Variants in OXR1 observed in about 807,000 individuals in gnomAD.
OXR1 encodes oxidation resistance 1, also known as oxidation resistance protein 1.
OXR1 carries 41 observed loss-of-function variants against 104.6 expected under a neutral mutation model. The ratio of observed to expected loss-of-function variants is 0.39; its 90% CI spans 0.31 to 0.51. The LOEUF (loss-of-function observed/expected upper bound fraction) is 0.51. Among genes scored for constraint, OXR1 ranks in the 20% least tolerant of loss-of-function variants. The probability of loss-of-function intolerance (pLI) is 0.77; values close to 1 mark genes in which losing one functional copy is unlikely to be tolerated. For synonymous variants in OXR1, 348 were observed against 348.4 expected (o/e 1.00, Z 0.01); for missense variants, 955 against 1,031.9 (o/e 0.93, Z 1.02).
At chr8:106,739,969 T>A (rs1834780622) in intron 13 of OXR1, among the ~76,000 whole-genome samples, 1 of 152,200 alleles carries the variant, frequency 6.6e-6, no homozygotes, top group Admixed American at 6.5e-5. Flanking sequence ...GCTTGATTCC[T>A]AACTTGGATA....
intron 3 of OXR1, among the ~76,000 whole-genome samples, chr8:106,626,229 A>G (rs1232619561): frequency 6.6e-6 from 1 of 151,912 alleles, no homozygotes; most frequent in Non-Finnish European, 1.5e-5. Context: ...ATTTTTAAAA[A>G]GATATTATAT....
chr8:106,413,463 T>C (rs1211095925), intron 2 of OXR1, among the ~76,000 whole-genome samples: 1 of 152,122 alleles, frequency 6.6e-6, no homozygotes, highest in African/African-American at 2.4e-5. Flanking sequence ...ATTTAAGGTA[T>C]CCTAGACAGA....
chr8:106,630,215 GTTTC>G (rs985600278), intron 3 of OXR1, among the ~76,000 whole-genome samples: 7 of 152,132 alleles, frequency 4.6e-5, no homozygotes, highest in African/African-American at 1.7e-4. Flanking sequence ...TTTAGCTTCC[GTTTC>G]TTTATCTGCA....
chr8:106,601,701 G>T (rs12678817), intron 3 of OXR1, among the ~76,000 whole-genome samples: 34,897 of 151,876 alleles, frequency 0.23, 4,137 homozygotes, highest in East Asian at 0.41. Flanking sequence ...GCATTCCCTG[G>T]GTACTCTTTT....
chr8:106,742,463 G>T, intron 15 of OXR1, 146 bp downstream of exon 15: 1 of 547,604 alleles, frequency 1.8e-6, no homozygotes. Context: ...AGTTCATGTG[G>T]AACCCAAAAA....
intron 2 of OXR1, among the ~76,000 whole-genome samples, chr8:106,505,368 T>G (rs1026606264): frequency 2.0e-5 from 3 of 152,226 alleles, no homozygotes; most frequent in Non-Finnish European, 2.9e-5. Context: ...TGCATATAAT[T>G]GCAAAGCACT....
intron 2 of OXR1, among the ~76,000 whole-genome samples, chr8:106,396,031 A>G (rs1817765376): frequency 6.6e-6 from 1 of 152,142 alleles, no homozygotes; most frequent in Non-Finnish European, 1.5e-5. Flanking sequence ...CTAGTTTACA[A>G]CCCAAAGCAT....
rs144369358 is a variant in OXR1, at chr8:106,427,114, C to G, written c.23+67478C>G. 8.7e-3 allele frequency among the ~76,000 whole-genome samples: 1,327 copies of G among 152,238 alleles called. 49 individuals carry two copies. The highest frequency in any genetic ancestry group is 0.055 in the South Asian group (263 of 4,822). On this transcript the variant is annotated intron_variant, in intron 2 of 16. Coordinates refer to ENST00000517566, the MANE Select transcript of OXR1 (RefSeq NM_001198533.2). The stretch of plus-strand genomic sequence containing the variant: ...AGCTTCTTAGAAGACTTCAAACAAC[C>G]AGGCTTGCAGTTGTGAATGATATGG...
chr8:106,618,328 T>C (rs1419649740), intron 3 of OXR1: 4 of 731,656 alleles, frequency 5.5e-6, no homozygotes, highest in East Asian at 2.7e-5. Flanking sequence ...GGAGGTTCTA[T>C]AGCTACTGCC....
At chr8:106,320,700 C>T (rs1814179803) in intron 1 of OXR1, among the ~76,000 whole-genome samples, 1 of 151,630 alleles carries the variant, frequency 6.6e-6, no homozygotes, top group South Asian at 2.1e-4. Context: ...GGGACAGAGT[C>T]TTGCTCTGTT....
chr8:106,520,353 C>CA (rs939270404), intron 3 of OXR1: 1 of 152,038 alleles, frequency 6.6e-6, no homozygotes, highest in African/African-American at 2.4e-5. Context: ...CTAATTCCTA[C>CA]AACAATTTCC....
intron 2 of OXR1, among the ~76,000 whole-genome samples, chr8:106,416,960 T>G (rs948873819): frequency 6.6e-6 from 1 of 152,120 alleles, no homozygotes; most frequent in African/African-American, 2.4e-5. Flanking sequence ...ATTATCAAGT[T>G]TTCTCTTAAC....
chr8:106,530,816 T>C (rs1350306948), intron 3 of OXR1, among the ~76,000 whole-genome samples: 1 of 152,092 alleles, frequency 6.6e-6, no homozygotes, highest in Non-Finnish European at 1.5e-5. Flanking sequence ...AAAAAGTCTT[T>C]GTGTTAGTAC....
chr8:106,634,000 C>T (rs969173191), intron 3 of OXR1, among the ~76,000 whole-genome samples: 3 of 152,098 alleles, frequency 2.0e-5, no homozygotes, highest in East Asian at 1.9e-4. Flanking sequence ...TTACCTGAAT[C>T]GACAATAATC....
At chr8:106,528,223 T>C (rs1174688638) in intron 3 of OXR1, among the ~76,000 whole-genome samples, 2 of 152,196 alleles carry the variant, frequency 1.3e-5, no homozygotes, top group Non-Finnish European at 2.9e-5. Context: ...TGCTTAGTTA[T>C]GGTATCAGTT....
At chr8:106,314,780 TA>T (rs923893959) in intron 1 of OXR1, among the ~76,000 whole-genome samples, 2 of 152,188 alleles carry the variant, frequency 1.3e-5, no homozygotes, top group East Asian at 3.8e-4. Flanking sequence ...CAATTAATAA[TA>T]ATTGTTTAGC....
rs1814275345 is a variant in OXR1 at position 106,322,651 on chromosome 8, A to G, written c.-138-36825A>G. ...CTAGAAAACCTTATCAACTCATCCT[A>G]AAAGCTCTTCCAGCTGATAAACAAC... On this transcript the variant is annotated intron_variant, in intron 1 of 16. Transcript: ENST00000517566. Among the ~76,000 whole-genome samples, 3 of 152,214 alleles carry G rather than the reference A, an allele frequency of 2.0e-5. No homozygotes were observed. The South Asian group carries it at 6.2e-4, about 31-fold the overall frequency.
intron 2 of OXR1, among the ~76,000 whole-genome samples, chr8:106,438,580 A>G (rs866976501): frequency 1.3e-5 from 2 of 152,110 alleles, no homozygotes; most frequent in Non-Finnish European, 2.9e-5. Context: ...CTGCTTTGGA[A>G]CTGTGCAAAT....
At chr8:106,558,615 T>G (rs1470731549) in intron 3 of OXR1, among the ~76,000 whole-genome samples, 1 of 152,254 alleles carries the variant, frequency 6.6e-6, no homozygotes, top group Admixed American at 6.5e-5. Flanking sequence ...TCTTGATATC[T>G]TATTAATATA....
Sources: gnomAD v4.1 joint callset for allele counts (sites outside exome capture counted in the v4.1 genomes callset) on GRCh38, gnomAD v4.1.1 for gene constraint, MANE v1.5 for transcripts, NCBI Gene and HGNC (gene_info 2026-07-23, HGNC 2026-07-21) for gene names.